PPARGC1B: variants seen among roughly 807,000 people sequenced by gnomAD.
PPARGC1B encodes PPARG coactivator 1 beta.
In PPARGC1B, 34 loss-of-function variants were observed where a neutral mutation model predicts 101.6. That is an observed-to-expected ratio of 0.33 (90% CI 0.25 to 0.45). PPARGC1B has a LOEUF of 0.45. PPARGC1B is among the 20% of genes least tolerant of loss of function. PPARGC1B has a pLI of 1.00. For missense variants in PPARGC1B, 1,234 were observed against 1,317.6 expected (o/e 0.94, Z 0.98); for synonymous variants, 548 against 539.3 (o/e 1.02, Z -0.22).
intron 1 of PPARGC1B, among the ~76,000 whole-genome samples, chr5:149,795,435 CTGT>C (rs1365691161): frequency 2.0e-5 from 3 of 152,192 alleles, no homozygotes; most frequent in African/African-American, 7.2e-5. Context: ...ACCTGGGGCT[CTGT>C]TGTTCTAAAT....
Position 149,837,949 on chromosome 5 carries a change from CT to C in PPARGC1B, c.2618+877del, listed in dbSNP as rs1417800273. 1.3e-5 allele frequency among the ~76,000 whole-genome samples: 2 copies of C among 151,938 alleles called. No homozygotes were observed. The highest frequency in any genetic ancestry group is 4.8e-5 in the African/African-American group (2 of 41,346). On this transcript the variant is annotated intron_variant, in intron 8 of 11. Transcript: ENST00000309241. The surrounding 1 kb of genome is among the most constrained non-coding windows in gnomAD (Gnocchi z 4.2). ...CACTGGCCGGCCCACACCCGGGTGT[CT>C]GATCTGTAGGTCTGGGGTGGGGCAG...
chr5:149,844,818 A>G (rs983746129), intron 10 of PPARGC1B, among the ~76,000 whole-genome samples: 3 of 152,312 alleles, frequency 2.0e-5, no homozygotes, highest in East Asian at 3.9e-4. Context: ...AGCAGATGAT[A>G]TGTCAGTCGG....
intron 3 of PPARGC1B, among the ~76,000 whole-genome samples, chr5:149,827,767 G>A (rs1758588707): frequency 6.6e-6 from 1 of 152,224 alleles, no homozygotes; most frequent in Non-Finnish European, 1.5e-5. Context: ...GCTTTCTAGG[G>A]AGAACATCAG....
chr5:149,807,936 T>C (rs1177179475), intron 1 of PPARGC1B, among the ~76,000 whole-genome samples: 1 of 152,210 alleles, frequency 6.6e-6, no homozygotes, highest in Non-Finnish European at 1.5e-5. Flanking sequence ...GGCACTTGGC[T>C]CTGGCACAAA....
At position 149,817,084 on chromosome 5, in the gene PPARGC1B, T is replaced by TGG. The variant is rs77554811; in HGVS notation, c.79-3347_79-3346dup. Among the ~76,000 whole-genome samples, 308 of 152,318 alleles carry TGG rather than the reference T, an allele frequency of 2.0e-3. 10 individuals are homozygous for TGG. In the East Asian group the frequency reaches 0.05, roughly 25 times the overall value. ...TCACTGACCTCAACGCCTTGTGCCT[T>TGG]GGGCTCAGTCCCCACGGGGGTCTTT... On this transcript the variant is annotated intron_variant, in intron 1 of 11. Coordinates refer to ENST00000309241, the MANE Select transcript of PPARGC1B (RefSeq NM_133263.4).
chr5:149,817,684 C>T (rs1431553980), intron 1 of PPARGC1B: 1 of 454,970 alleles, frequency 2.2e-6, no homozygotes, highest in African/African-American at 2.0e-5. Context: ...ATTGAACATG[C>T]CCACTAGAAT....
chr5:149,829,688 GAAAA>G (rs763013635), intron 3 of PPARGC1B, among the ~76,000 whole-genome samples: 9 of 122,290 alleles, frequency 7.4e-5, no homozygotes, highest in Non-Finnish European at 1.6e-4. Flanking sequence ...AGTTTTTATA[GAAAA>G]AAAAAAAAAA....
chr5:149,787,161 G>A (rs370099710), intron 1 of PPARGC1B, among the ~76,000 whole-genome samples: 2 of 152,232 alleles, frequency 1.3e-5, no homozygotes, highest in African/African-American at 4.8e-5. Flanking sequence ...CAGCAAGAGA[G>A]CATTTCTTTT....
intron 4 of PPARGC1B, 38 bp downstream of exon 4, chr5:149,830,921 C>G: frequency 7.1e-7 from 1 of 1,406,014 alleles, no homozygotes; most frequent in Non-Finnish European, 1.0e-6. Flanking sequence ...CCCCAGGTGT[C>G]TGTTGGGGCT....
In PPARGC1B at chr5:149,830,894, A is replaced by G; in HGVS notation, c.582+11A>G. ...CGGCCTTGTGTTAAGGTATTTCTTC[A>G]CATGCCCCCAAATCTACCCCAGGTG... On this transcript the variant is annotated intron_variant, in intron 4 of 11. Transcript: ENST00000309241. 1.3e-6 allele frequency: 2 copies of G among 1,575,814 alleles called. No homozygotes were observed.
intron 1 of PPARGC1B, among the ~76,000 whole-genome samples, chr5:149,749,117 A>G (rs1755195657): frequency 6.6e-6 from 1 of 152,186 alleles, no homozygotes; most frequent in African/African-American, 2.4e-5. Flanking sequence ...GGCTCAATAC[A>G]GCAGGAATCG....
chr5:149,817,219 G>A (rs1423618627), intron 1 of PPARGC1B, among the ~76,000 whole-genome samples: 1 of 152,178 alleles, frequency 6.6e-6, no homozygotes, highest in Non-Finnish European at 1.5e-5. Context: ...TCTGGGCTGG[G>A]CACAGTGGCT....
rs193160854 is a variant in PPARGC1B at position 149,756,344 on chromosome 5, T to G, written c.78+25924T>G. Among the ~76,000 whole-genome samples the G allele has an allele frequency of 4.4e-3, 675 of 151,832 alleles. 4 individuals carry two copies. The highest frequency in any genetic ancestry group is 0.015 in the African/African-American group (633 of 41,386). On this transcript the variant is annotated intron_variant, in intron 1 of 11. Coordinates refer to ENST00000309241, the MANE Select transcript of PPARGC1B (RefSeq NM_133263.4). ...GCAGGCACCTGTAATCCCAGCTACT[T>G]GGGAGGCTGAGGCAGGAGAATCACT...
At position 149,847,806 on chromosome 5, in the gene PPARGC1B, A is replaced by T; in HGVS notation, c.*248A>T. The T allele has an allele frequency of 2.0e-6, 1 of 503,856 alleles. No individual in the cohort carries two copies. The highest frequency in any genetic ancestry group is 3.5e-6 in the Non-Finnish European group (1 of 281,858). 31.2% of individuals were successfully genotyped at this position (503,856 alleles called of 1,614,324 possible). On this transcript the variant is annotated 3_prime_UTR_variant, in exon 12 of 12. Transcript: ENST00000309241. ...TGCCACATTAGTGTCCTCGCTTCCA[A>T]CGGGTTGTCCCGGGTGCACCTCGAA...
At position 149,832,640 on chromosome 5, in the gene PPARGC1B, C is replaced by T. The variant is rs191035723; in HGVS notation, c.583-16C>T. 1.8e-5 allele frequency: 27 copies of T among 1,516,606 alleles called. No individual in the cohort carries two copies. In the African/African-American group the frequency reaches 3.0e-4, roughly 17 times the overall value. 93.9% of individuals were successfully genotyped at this position (1,516,606 alleles called of 1,614,324 possible). ...TTTGGGCCTCCTTCCTCACTCTGGC[C>T]TCTCTCCCTCTCTAGGCGGACAGCA... On this transcript the variant is annotated splice_polypyrimidine_tract_variant and intron_variant, in intron 4 of 11. Coordinates refer to ENST00000309241, the MANE Select transcript of PPARGC1B (RefSeq NM_133263.4). The surrounding 1 kb of genome is among the most constrained non-coding windows in gnomAD (Gnocchi z 4.9).
chr5:149,838,669 C>T (rs983588045), intron 8 of PPARGC1B, among the ~76,000 whole-genome samples: 4 of 152,162 alleles, frequency 2.6e-5, no homozygotes, highest in African/African-American at 4.8e-5. Context: ...TGGGAAGAGT[C>T]GAGAACTTCT....
intron 1 of PPARGC1B, among the ~76,000 whole-genome samples, chr5:149,749,897 T>C (rs542011713): frequency 6.6e-6 from 1 of 152,276 alleles, no homozygotes; most frequent in South Asian, 2.1e-4. Flanking sequence ...AAATTCTGCT[T>C]GGAGCTGAAC....
At position 149,842,283 on chromosome 5, in the gene PPARGC1B, A is replaced by T; in HGVS notation, c.2722A>T (p.Asn908Tyr). 1 of 1,613,944 alleles carries T rather than the reference A, an allele frequency of 6.2e-7. No individual in the cohort carries two copies. Among genetic ancestry groups the T allele is most frequent in the Non-Finnish European group, 8.5e-7 (1 of 1,179,994 alleles). ...IGEGRVVYIQ[N>Y]LSSDMSSREL... is the part of the protein sequence containing the mutation. ...GGAAGGCCGCGTGGTGTACATTCAA[A>T]ATCTCTCCAGCGACATGAGCTCCCG... Residue 908 changes from asparagine to tyrosine, a missense_variant, in exon 10 of 12, where the codon AAT becomes TAT. Transcript: ENST00000309241.
chr5:149,778,863 C>G (rs1756491311), intron 1 of PPARGC1B, among the ~76,000 whole-genome samples: 2 of 152,140 alleles, frequency 1.3e-5, no homozygotes, highest in Admixed American at 1.3e-4. Context: ...TAAAACCATC[C>G]TCTTTTTTCC....
Sources: allele counts gnomAD v4.1 joint callset (sites outside exome capture counted in the v4.1 genomes callset), GRCh38; gene constraint gnomAD v4.1.1; non-coding constraint Gnocchi (gnomAD v3.1); transcripts MANE v1.5; gene names NCBI Gene and HGNC (gene_info 2026-07-23, HGNC 2026-07-21).